Variants in MYCBP2 observed in about 807,000 individuals in gnomAD.
MYCBP2 encodes the protein E3 ubiquitin-protein ligase MYCBP2.
Under a neutral mutation model 525.3 loss-of-function variants are expected in MYCBP2, and 120 were observed. That is an observed-to-expected ratio of 0.23 (90% CI 0.20 to 0.27). The LOEUF (loss-of-function observed/expected upper bound fraction) is 0.27, where lower values mean the gene tolerates loss of function less well. MYCBP2 is among the 10% of genes least tolerant of loss of function. The pLI is 1.00. For synonymous variants in MYCBP2, 1,894 were observed against 1,955.8 expected, an observed-to-expected ratio of 0.97 and a Z score of 0.83; for missense variants, 4,149 against 5,657.1, an observed-to-expected ratio of 0.73 and a Z score of 8.55.
intron 21 of MYCBP2, among the ~76,000 whole-genome samples, chr13:77,213,370 G>A (rs2064310405): frequency 6.6e-6 from 1 of 152,094 alleles, no homozygotes; most frequent in Non-Finnish European, 1.5e-5. Context: ...AGCTACTCAG[G>A]AGGCTGAGGC....
chr13:77,270,229 C>A, intron 6 of MYCBP2, 67 bp downstream of exon 6: 1 of 1,515,528 alleles, frequency 6.6e-7, no homozygotes, highest in South Asian at 1.3e-5. Flanking sequence ...AAACTAGAAA[C>A]ACACAGAACA....
chr13:77,233,280 T>C lies in MYCBP2; in HGVS notation c.2630-17A>G. ...CAAGGGGGCCTGAGGAGAAACATTT[T>C]GTATGTGCATAGAAAAACTCACAAA... On this transcript the variant is annotated splice_polypyrimidine_tract_variant and intron_variant, in intron 17 of 82. Transcript: ENST00000544440. 6.4e-7 allele frequency: 1 copy of C among 1,571,346 alleles called. No individual in the cohort carries two copies. Among genetic ancestry groups the C allele is most frequent in the Non-Finnish European group, 8.8e-7 (1 of 1,142,500 alleles).
chr13:77,205,776 T>A (rs192795446), intron 24 of MYCBP2, among the ~76,000 whole-genome samples, 178 bp from the exon 25 acceptor site: 1 of 152,304 alleles, frequency 6.6e-6, no homozygotes, highest in East Asian at 1.9e-4. Context: ...CCTTGTCTGA[T>A]TAATGATCAT....
chr13:77,233,409 AG>A (rs2067404175), intron 17 of MYCBP2, 146 bp from the exon 18 acceptor site: 1 of 589,854 alleles, frequency 1.7e-6, no homozygotes, highest in Admixed American at 3.1e-5. Flanking sequence ...TCCCCACTCC[AG>A]CCCCCCACCC....
intron 18 of MYCBP2, among the ~76,000 whole-genome samples, chr13:77,227,515 C>T (rs528280575): frequency 0.026 from 3,271 of 126,228 alleles, 49 homozygotes; most frequent in Non-Finnish European, 0.038. Flanking sequence ...CACACACACA[C>T]ACAAATACAT....
At chr13:77,257,951 A>C in intron 13 of MYCBP2, 122 bp from the exon 14 acceptor site, 1 of 700,986 alleles carries the variant, frequency 1.4e-6, no homozygotes. Flanking sequence ...AATGAGAAAT[A>C]AGTAGCCAAA....
intron 80 of MYCBP2, among the ~76,000 whole-genome samples, chr13:77,054,813 G>A (rs2154061713): frequency 6.6e-6 from 1 of 152,126 alleles, no homozygotes; most frequent in South Asian, 2.1e-4. Context: ...CTTGCCCTGG[G>A]TGGTCTCAAA....
In MYCBP2 at chr13:77,045,366, G is replaced by T. The variant is rs372847961; in HGVS notation, c.*12C>A. ...GCAATTTTTCTCTCTGTAGACAAAGGATCTGCGTGTTCTAAAAAGTGTGGG... is the reference window on the plus strand; with the variant it reads ...GCAATTTTTCTCTCTGTAGACAAAGTATCTGCGTGTTCTAAAAAGTGTGGG... On this transcript the variant is annotated 3_prime_UTR_variant, in exon 83 of 83. Transcript: ENST00000544440. 25 of 1,596,802 alleles carry T rather than the reference G, an allele frequency of 1.6e-5. No individual in the cohort carries two copies. The African/African-American group carries it at 3.1e-4, about 20-fold the overall frequency.
chr13:77,190,404 T>C (rs2061183882), intron 28 of MYCBP2, 69 bp from the exon 29 acceptor site: 3 of 921,910 alleles, frequency 3.3e-6, no homozygotes, highest in Admixed American at 4.2e-5. Context: ...TTAAGAAACA[T>C]GTTTTCAAAT....
intron 32 of MYCBP2, among the ~76,000 whole-genome samples, chr13:77,182,769 C>T (rs1033846607): frequency 4.6e-5 from 7 of 152,026 alleles, no homozygotes; most frequent in Middle Eastern, 3.2e-3. Flanking sequence ...CGAAGGAGGG[C>T]GGGGAGGCCT....
Position 77,217,959 on chromosome 13 carries a change from T to C in MYCBP2, c.2940-2A>G. On this transcript the variant is annotated splice_acceptor_variant, in intron 20 of 82. Transcript: ENST00000544440. LOFTEE classifies it high-confidence loss of function. ...GCTTGAACAAGAGTGGGACATCCCC[T>C]AGGTTAAAAAAAAAAAAAGTAAGTC... 1.9e-6 allele frequency: 3 copies of C among 1,557,286 alleles called. No homozygotes were observed. The highest frequency in any genetic ancestry group is 2.6e-6 in the Non-Finnish European group (3 of 1,155,662).
chr13:77,101,550 T>G (rs1412186871), intron 55 of MYCBP2, among the ~76,000 whole-genome samples: 1 of 152,042 alleles, frequency 6.6e-6, no homozygotes, highest in Non-Finnish European at 1.5e-5. Flanking sequence ...GTTTATTACA[T>G]AGTGTTAGAA....
At chr13:77,120,963 A>T (rs1177496118) in intron 55 of MYCBP2, among the ~76,000 whole-genome samples, 2 of 152,156 alleles carry the variant, frequency 1.3e-5, no homozygotes, top group African/African-American at 4.8e-5. Context: ...ATATTACTTA[A>T]AAATATTATT....
Position 77,212,130 on chromosome 13 carries a change from C to T in MYCBP2, c.3088G>A (p.Val1030Met), listed in dbSNP as rs747011940. ...KGQLGRPILD[V>M]PYWNAKPAPM... ...GCTGGCTTTGCATTCCAATATGGCACATCCAAAATTGGTCTGCCCAGTTGT... is the reference window on the plus strand; with the variant it reads ...GCTGGCTTTGCATTCCAATATGGCATATCCAAAATTGGTCTGCCCAGTTGT... The change falls in exon 22 of 83, where the codon GTG (valine) becomes ATG (methionine). Residue 1030 changes from valine to methionine, a missense_variant. Coordinates refer to ENST00000544440, the MANE Select transcript of MYCBP2 (RefSeq NM_015057.5). The T allele has an allele frequency of 9.9e-6, 16 of 1,614,046 alleles. No homozygotes were observed. Among genetic ancestry groups the T allele is most frequent in the Middle Eastern group, 1.7e-4 (1 of 6,058 alleles).
At chr13:77,285,287 TA>T (rs2076611772) in intron 3 of MYCBP2, among the ~76,000 whole-genome samples, 3 of 152,210 alleles carry the variant, frequency 2.0e-5, no homozygotes, top group Admixed American at 2.0e-4. Context: ...ACAATTACTA[TA>T]ATACAGTGTG....
Position 77,286,923 on chromosome 13 carries a change from T to C in MYCBP2, c.594+1238A>G, listed in dbSNP as rs1334765129. Reference sequence around the variant, plus strand: ...TTTGGTAAATGGAGTCTAGCTCTGTTGTCCAGGCTGGAGTGCAGTGGCGCC... The same window carrying C: ...TTTGGTAAATGGAGTCTAGCTCTGTCGTCCAGGCTGGAGTGCAGTGGCGCC... On this transcript the variant is annotated intron_variant, in intron 3 of 82. Coordinates refer to ENST00000544440, the MANE Select transcript of MYCBP2 (RefSeq NM_015057.5). 8.2e-5 allele frequency among the ~76,000 whole-genome samples: 12 copies of C among 146,792 alleles called. 1 individual carries two copies. The South Asian group carries it at 1.1e-3, about 13-fold the overall frequency.
intron 22 of MYCBP2, 135 bp downstream of exon 22, chr13:77,211,821 G>C (rs2064052207): frequency 2.9e-6 from 2 of 696,744 alleles, no homozygotes; most frequent in Non-Finnish European, 4.8e-6. Context: ...ACATTTACAG[G>C]CTTTGTTTAA....
At chr13:77,320,569 G>GT (rs143929151) in intron 1 of MYCBP2, among the ~76,000 whole-genome samples, 5,009 of 152,180 alleles carry the variant, frequency 0.033, 94 homozygotes, top group Non-Finnish European at 0.053. Flanking sequence ...AAAGCATTAG[G>GT]TAAAAGGCAT....
intron 17 of MYCBP2, among the ~76,000 whole-genome samples, chr13:77,242,791 C>T (rs907610220): frequency 2.0e-5 from 3 of 152,152 alleles, no homozygotes; most frequent in African/African-American, 7.2e-5. Flanking sequence ...GCAGATGGCA[C>T]AGTTCTTAAT....
Sources: allele counts gnomAD v4.1 joint callset (sites outside exome capture counted in the v4.1 genomes callset), GRCh38; gene constraint gnomAD v4.1.1; transcripts MANE v1.5; gene names NCBI Gene and HGNC (gene_info 2026-07-23, HGNC 2026-07-21).